CLVS1: variants seen among roughly 807,000 people sequenced by gnomAD.
CLVS1 encodes clavesin 1, also known as clavesin-1.
In CLVS1, 10 loss-of-function variants were observed where a neutral mutation model predicts 33.1. That is an observed-to-expected ratio of 0.30 (90% CI 0.19 to 0.51). The LOEUF (loss-of-function observed/expected upper bound fraction) is 0.51, where lower values mean the gene tolerates loss of function less well. CLVS1 is among the 20% of genes least tolerant of loss of function. The pLI is 0.97. For missense variants in CLVS1, 343 were observed against 433.4 expected (o/e 0.79, Z 1.85); for synonymous variants, 163 against 166.1 (o/e 0.98, Z 0.14).
chr8:61,091,033 C>G (rs1397075189), intron 1 of CLVS1: 2 of 436,458 alleles, frequency 4.6e-6, no homozygotes, highest in Non-Finnish European at 8.9e-6. Context: ...GAACCTGTGC[C>G]CGTTACCTCA....
rs183706302 is a variant in CLVS1, at chr8:61,082,957, T to C, written c.-243+25727T>C. Among the ~76,000 whole-genome samples, 11 of 150,278 alleles carry C rather than the reference T, an allele frequency of 7.3e-5. No individual in the cohort carries two copies. In the South Asian group the frequency reaches 1.5e-3, roughly 20 times the overall value. On this transcript the variant is annotated intron_variant, in intron 1 of 2. Coordinates refer to the CLVS1 transcript ENST00000522621. ...GAGGGTGAGATGAGATGCTTGAGCC[T>C]CTGGGCGACAGAGAAAGACCCTGTC...
At chr8:61,116,567 C>G (rs1182526911) in intron 1 of CLVS1, among the ~76,000 whole-genome samples, 1 of 152,134 alleles carries the variant, frequency 6.6e-6, no homozygotes, top group African/African-American at 2.4e-5. Context: ...ACAAAGGGAT[C>G]CAGTTTTAGC....
intron 2 of CLVS1, among the ~76,000 whole-genome samples, chr8:61,223,994 C>T (rs796965823): frequency 1.3e-4 from 19 of 151,966 alleles, no homozygotes; most frequent in South Asian, 4.1e-4. Context: ...ACGAAGTTCT[C>T]GTGCTATGTT....
intron 2 of CLVS1, among the ~76,000 whole-genome samples, chr8:61,239,094 T>A (rs752884717): frequency 7.2e-5 from 11 of 152,210 alleles, no homozygotes; most frequent in Non-Finnish European, 4.4e-5. Flanking sequence ...TATCTAATTT[T>A]TGTTTCAAAA....
chr8:61,387,666 T>A (rs1295451474), intron 3 of CLVS1, among the ~76,000 whole-genome samples: 1 of 152,112 alleles, frequency 6.6e-6, no homozygotes, highest in Non-Finnish European at 1.5e-5. Flanking sequence ...AAGTTCACCA[T>A]GTCATTCTCA....
chr8:60,983,487 A>G, the CLVS1 span, among the ~76,000 whole-genome samples: 3 of 152,304 alleles, frequency 2.0e-5, no homozygotes, highest in East Asian at 5.8e-4. Context: ...CAGCATTTTC[A>G]AAAAGCCTTT....
intron 2 of CLVS1, among the ~76,000 whole-genome samples, chr8:61,305,826 G>A (rs1221791922): frequency 6.6e-6 from 1 of 152,054 alleles, no homozygotes; most frequent in Non-Finnish European, 1.5e-5. Flanking sequence ...TTTTGTTCTT[G>A]TATTAGTTTG....
At chr8:60,998,558 C>T in the CLVS1 span, among the ~76,000 whole-genome samples, 2 of 152,152 alleles carry the variant, frequency 1.3e-5, no homozygotes, top group Non-Finnish European at 2.9e-5. Flanking sequence ...AAAAGAATTC[C>T]TGCTGAGCTT....
the CLVS1 span, among the ~76,000 whole-genome samples, chr8:61,036,263 G>T: frequency 6.6e-6 from 1 of 152,230 alleles, no homozygotes; most frequent in African/African-American, 2.4e-5. Flanking sequence ...TCAAAAATGG[G>T]ATTCGAGAAC....
intron 2 of CLVS1, among the ~76,000 whole-genome samples, chr8:61,205,445 T>C (rs1407234697): frequency 6.6e-6 from 1 of 152,226 alleles, no homozygotes; most frequent in East Asian, 1.9e-4. Flanking sequence ...AGAATTTCCT[T>C]TCTTTTAAAT....
chr8:61,439,790 C>A (rs1258269879), intron 3 of CLVS1, among the ~76,000 whole-genome samples: 1 of 151,988 alleles, frequency 6.6e-6, no homozygotes, highest in African/African-American at 2.4e-5. Context: ...TCCTTTCACC[C>A]CTCCCTTCTT....
chr8:61,188,783 T>A (rs2931315), intron 2 of CLVS1, among the ~76,000 whole-genome samples: 79,603 of 151,770 alleles, frequency 0.52, 21,612 homozygotes, highest in Middle Eastern at 0.69. Flanking sequence ...AGCATTCAAT[T>A]CAGAAAAATA....
rs145888031 is a variant in CLVS1, at chr8:61,146,079, G to C, written c.-152+14219G>C. ...GTTTCTCATGGTGAGTGGCAGCAGT[G>C]CCCTCTTTGGTTGTTTGTATCTGGA... On this transcript the variant is annotated intron_variant, in intron 2 of 2. Transcript: ENST00000522621. 2.5e-4 allele frequency among the ~76,000 whole-genome samples: 38 copies of C among 152,238 alleles called. No individual in the cohort carries two copies. In the East Asian group the frequency reaches 7.1e-3, roughly 29 times the overall value.
chr8:61,062,330 A>G (rs991974599), intron 1 of CLVS1, among the ~76,000 whole-genome samples: 1 of 152,226 alleles, frequency 6.6e-6, no homozygotes, highest in African/African-American at 2.4e-5. Flanking sequence ...CTCACATAAA[A>G]TAAGAATTTA....
At chr8:61,002,333 T>G in the CLVS1 span, among the ~76,000 whole-genome samples, 267 of 148,646 alleles carry the variant, frequency 1.8e-3, 2 homozygotes, top group Non-Finnish European at 2.7e-3. Flanking sequence ...GCTTGTTTTT[T>G]TTTTTTTTTT....
At chr8:61,492,158 C>G (rs942297878) in intron 5 of CLVS1, among the ~76,000 whole-genome samples, 9 of 152,126 alleles carry the variant, frequency 5.9e-5, no homozygotes, top group Non-Finnish European at 7.4e-5. Flanking sequence ...AGGCTCCAGA[C>G]CAATGCTATC....
At chr8:61,391,644 C>G (rs1814308926) in intron 3 of CLVS1, among the ~76,000 whole-genome samples, 1 of 152,160 alleles carries the variant, frequency 6.6e-6, no homozygotes, top group South Asian at 2.1e-4. Flanking sequence ...GCCAGCTCAA[C>G]TGAAATGTCA....
intron 3 of CLVS1, among the ~76,000 whole-genome samples, chr8:61,409,083 T>C (rs1408427995): frequency 3.9e-5 from 6 of 152,202 alleles, no homozygotes; most frequent in Non-Finnish European, 7.3e-5. Flanking sequence ...TGAGTTTTGT[T>C]TTGATTTTCT....
intron 1 of CLVS1, among the ~76,000 whole-genome samples, chr8:61,097,301 TA>T (rs919533408): frequency 1.3e-5 from 2 of 151,094 alleles, no homozygotes; most frequent in African/African-American, 4.9e-5. Flanking sequence ...CAAAAAAAAA[TA>T]AAAAAATTAA....
Sources: gnomAD v4.1 joint callset for allele counts (sites outside exome capture counted in the v4.1 genomes callset) on GRCh38, gnomAD v4.1.1 for gene constraint, MANE v1.5 for transcripts, NCBI Gene and HGNC (gene_info 2026-07-23, HGNC 2026-07-21) for gene names.